Variants in DCAF13 observed in about 807,000 individuals in gnomAD.
DCAF13 encodes the protein DDB1- and CUL4-associated factor 13.
Under a neutral mutation model 59.0 loss-of-function variants are expected in DCAF13, and 38 were observed. That is an observed-to-expected ratio of 0.64 (90% confidence interval 0.50 to 0.84). The LOEUF (loss-of-function observed/expected upper bound fraction) is 0.84, where lower values mean the gene tolerates loss of function less well. Among genes scored for constraint, DCAF13 ranks in the 40% least tolerant of loss-of-function variants. The pLI is 0.00. For missense variants in DCAF13, 469 were observed against 558.4 expected (o/e 0.84, Z 1.61); for synonymous variants, 173 against 175.0 (o/e 0.99, Z 0.09).
intron 8 of DCAF13, 122 bp downstream of exon 8, chr8:103,435,912 A>G: frequency 2.0e-6 from 2 of 978,250 alleles, no homozygotes; most frequent in African/African-American, 1.6e-5. Context: ...GCACTTAAAC[A>G]AAACTAGATG....
chr8:103,419,151 T>G (rs1816687249), intron 1 of DCAF13, among the ~76,000 whole-genome samples: 1 of 151,988 alleles, frequency 6.6e-6, no homozygotes, highest in Non-Finnish European at 1.5e-5. Context: ...CCCAAAGTGC[T>G]GGGATTACAG....
rs766307601 is a variant in DCAF13 at position 103,420,413 on chromosome 8, A to G, written c.220A>G (p.Lys74Glu). The change falls in exon 2 of 11, where the codon AAG becomes GAG. Residue 74 changes from lysine to glutamate, a missense_variant. This residue lies in a region of DCAF13 where 355 missense variants were observed against 399.1 expected (regional missense o/e 0.89). Coordinates refer to ENST00000612750, the MANE Select transcript of DCAF13 (RefSeq NM_015420.7). ...CCGTGATGGAGTCAATTGCTTGGCA[A>G]AGCATCCAGAGAAGCTGGCTACTGT... ...GHRDGVNCLA[K>E]HPEKLATVLS... The G allele has an allele frequency of 1.2e-6, 2 of 1,613,970 alleles. No homozygotes were observed. The highest frequency in any genetic ancestry group is 1.7e-6 in the Non-Finnish European group (2 of 1,180,012).
intron 5 of DCAF13, chr8:103,428,544 A>G (rs1342471690): frequency 1.3e-5 from 2 of 152,116 alleles, no homozygotes; most frequent in African/African-American, 4.8e-5. Context: ...TTCTCACTCC[A>G]TCCTCCATCT....
chr8:103,432,278 C>T (rs967309820), intron 6 of DCAF13, among the ~76,000 whole-genome samples: 1 of 152,160 alleles, frequency 6.6e-6, no homozygotes, highest in Non-Finnish European at 1.5e-5. Flanking sequence ...AATTACTGAT[C>T]CTTCACAGGT....
intron 1 of DCAF13, among the ~76,000 whole-genome samples, chr8:103,418,824 T>TTATATTTATATA (rs1816664826): frequency 2.4e-5 from 1 of 41,394 alleles, no homozygotes; most frequent in Non-Finnish European, 4.4e-5. Context: ...CTAAGCATAA[T>TTATATTTATATA]TATATATATA....
intron 9 of DCAF13, chr8:103,441,130 T>A (rs1157765631): frequency 5.1e-6 from 1 of 194,728 alleles, no homozygotes; most frequent in Non-Finnish European, 1.0e-5. Context: ...CCCCCAAAAT[T>A]TGAGTGAGTG....
chr8:103,436,165 T>C (rs1432629877), intron 8 of DCAF13, among the ~76,000 whole-genome samples: 1 of 152,192 alleles, frequency 6.6e-6, no homozygotes. Flanking sequence ...TATTTTTGTT[T>C]CATTTTTCTT....
rs1232205585 is a variant in DCAF13, at chr8:103,420,345, A to G, written c.152A>G (p.Glu51Gly). ...YIRALNATKL[E>G]RVFAKPFLAS... Reference sequence around the variant, plus strand: ...AGAGCTTTAAATGCTACCAAACTGGAACGAGTATTTGCAAAACCATTCCTT... The same window carrying G: ...AGAGCTTTAAATGCTACCAAACTGGGACGAGTATTTGCAAAACCATTCCTT... Residue 51 changes from glutamate (E) to glycine (G), a missense_variant, in exon 2 of 11, where the codon GAA (glutamate) becomes GGA (glycine). This residue lies in a region of DCAF13 where 355 missense variants were observed against 399.1 expected (regional missense o/e 0.89). Transcript: ENST00000612750. 2 of 1,614,212 alleles carry G rather than the reference A, an allele frequency of 1.2e-6. No homozygotes were observed. The highest frequency in any genetic ancestry group is 2.2e-5 in the South Asian group (2 of 91,086).
At chr8:103,424,220 G>C (rs1717691778) in intron 3 of DCAF13, among the ~76,000 whole-genome samples, 1 of 151,940 alleles carries the variant, frequency 6.6e-6, no homozygotes, top group African/African-American at 2.4e-5. Flanking sequence ...GTAGAGACAG[G>C]GTTTCACCGT....
Position 103,421,080 on chromosome 8 carries a change from A to C in DCAF13, c.376A>C (p.Thr126Pro). The change falls in exon 3 of 11, where the codon ACT becomes CCT. Residue 126 changes from threonine to proline, a missense_variant and splice_region_variant. Physicochemically the swap from Thr to Pro is conservative, Grantham distance 38. Coordinates refer to ENST00000612750, the MANE Select transcript of DCAF13 (RefSeq NM_015420.7). ...TCGCTTTTGTGGGACTTCTTTTTTC[A>C]CTGTAAGTATAATACCATTAAGTCA... ...CTRFCGTSFF[T>P]VGDDKTVKQW... 1 of 1,580,288 alleles carries C rather than the reference A, an allele frequency of 6.3e-7. No homozygotes were observed. The highest frequency in any genetic ancestry group is 8.7e-7 in the Non-Finnish European group (1 of 1,149,330).
intron 8 of DCAF13, among the ~76,000 whole-genome samples, chr8:103,437,576 C>CA (rs1816949098): frequency 6.6e-6 from 1 of 152,018 alleles, no homozygotes; most frequent in South Asian, 2.1e-4. Flanking sequence ...TAATCACAGT[C>CA]TTAATATGTG....
At chr8:103,430,359 T>C in intron 5 of DCAF13, 1 of 231,556 alleles carries the variant, frequency 4.3e-6, no homozygotes, top group Non-Finnish European at 8.4e-6. Flanking sequence ...ACCACTGCAC[T>C]CCAGCCTGGG....
intron 1 of DCAF13, among the ~76,000 whole-genome samples, chr8:103,417,904 G>A (rs1816644531): frequency 6.6e-6 from 1 of 152,086 alleles, no homozygotes; most frequent in Non-Finnish European, 1.5e-5. Flanking sequence ...AAGATCACGA[G>A]GTCAGGAGAT....
Position 103,443,218 on chromosome 8 carries a change from A to T in DCAF13, c.*336A>T, listed in dbSNP as rs1817033405. 1.2e-5 allele frequency: 2 copies of T among 164,724 alleles called. No individual in the cohort carries two copies. Among genetic ancestry groups the T allele is most frequent in the African/African-American group, 2.4e-5 (1 of 41,972 alleles). The allele number at this position is 164,724 out of a possible 1,614,324, so 10.2% of individuals were successfully genotyped here. A position where few individuals can be genotyped will look rare whatever the true frequency, so the allele number is the denominator to read the frequency against. On this transcript the variant is annotated 3_prime_UTR_variant, in exon 11 of 11. Transcript: ENST00000612750. ...TGACATTTAAGACCAAACATCTCTT[A>T]TGTTATCTTTAATATTACTTTGAAT...
intron 7 of DCAF13, among the ~76,000 whole-genome samples, chr8:103,433,895 C>T (rs1467962873): frequency 4.6e-5 from 7 of 151,882 alleles, no homozygotes; most frequent in African/African-American, 1.7e-4. Flanking sequence ...CAATAAAAGA[C>T]AAGAGTAATA....
intron 7 of DCAF13, among the ~76,000 whole-genome samples, chr8:103,433,843 T>G (rs1247670486): frequency 1.3e-5 from 2 of 152,030 alleles, no homozygotes; most frequent in African/African-American, 4.8e-5. Flanking sequence ...TTTTAACCTT[T>G]ATTGATGTTT....
At position 103,441,581 on chromosome 8, in the gene DCAF13, C is replaced by G. The variant is rs765438024; in HGVS notation, c.1213C>G (p.Gln405Glu). The change falls in exon 10 of 11, where the codon CAG becomes GAG. Residue 405 changes from glutamine to glutamate, a missense_variant. By Grantham distance (29) the Gln-to-Glu change is conservative. Around this residue, in one of 3 missense-constraint regions of DCAF13, gnomAD observed 84 missense variants for 92.3 expected, o/e 0.91. Coordinates refer to ENST00000612750, the MANE Select transcript of DCAF13 (RefSeq NM_015420.7). Reference protein sequence around the residue: ...HLPKSIYSQIQEQRIMKEARR... With the variant: ...HLPKSIYSQIEEQRIMKEARR... The stretch of plus-strand genomic sequence containing the variant: ...ACCAAAATCTATCTATAGCCAGATT[C>G]AGGAACAGCGCATCATGAAAGAAGC... 5 of 1,611,170 alleles carry G rather than the reference C, an allele frequency of 3.1e-6. No homozygotes were observed. Among genetic ancestry groups the G allele is most frequent in the Non-Finnish European group, 2.5e-6 (3 of 1,179,390 alleles).
At chr8:103,417,489 A>C (rs1816637021) in intron 1 of DCAF13, among the ~76,000 whole-genome samples, 1 of 151,708 alleles carries the variant, frequency 6.6e-6, no homozygotes, top group Admixed American at 6.6e-5. Flanking sequence ...AAAATACAAA[A>C]AAATTAGCCC....
Position 103,441,590 on chromosome 8 carries a change from C to T in DCAF13, c.1222C>T (p.Arg408Cys), listed in dbSNP as rs763038882. The T allele has an allele frequency of 7.9e-5, 128 of 1,610,124 alleles. 3 individuals carry two copies. The Admixed American group carries it at 1.7e-3, about 22-fold the overall frequency. Reference protein sequence around the residue: ...KSIYSQIQEQRIMKEARRRKE... With the variant: ...KSIYSQIQEQCIMKEARRRKE... ...TATCTATAGCCAGATTCAGGAACAGCGCATCATGAAAGAAGCTCGTCGACG... is the reference window on the plus strand; with the variant it reads ...TATCTATAGCCAGATTCAGGAACAGTGCATCATGAAAGAAGCTCGTCGACG... Residue 408 changes from arginine (R) to cysteine (C), a missense_variant, in exon 10 of 11, where the codon CGC (arginine) becomes TGC (cysteine). This residue lies in a region of DCAF13 where 84 missense variants were observed against 92.3 expected (regional missense o/e 0.91). Coordinates refer to ENST00000612750, the MANE Select transcript of DCAF13 (RefSeq NM_015420.7).
Sources: allele counts gnomAD v4.1 joint callset (sites outside exome capture counted in the v4.1 genomes callset), GRCh38; gene constraint gnomAD v4.1.1; regional missense constraint gnomAD v4.1.1; transcripts MANE v1.5; gene names NCBI Gene and HGNC (gene_info 2026-07-23, HGNC 2026-07-21).